MARCHF3: variants seen among roughly 807,000 people sequenced by gnomAD.
MARCHF3 encodes membrane associated ring-CH-type finger 3, also known as E3 ubiquitin-protein ligase MARCHF3.
MARCHF3 carries 13 observed loss-of-function variants against 24.2 expected under a neutral mutation model. That is an observed-to-expected ratio of 0.54 (90% CI 0.35 to 0.85). The LOEUF is 0.85. Among genes scored for constraint, MARCHF3 ranks in the 40% least tolerant of loss-of-function variants. The probability of loss-of-function intolerance (pLI) is 0.01; values close to 1 mark genes in which losing one functional copy is unlikely to be tolerated. For synonymous variants in MARCHF3, 144 were observed against 137.3 expected, an observed-to-expected ratio of 1.05 and a Z score of -0.34; for missense variants, 276 against 325.0, an observed-to-expected ratio of 0.85 and a Z score of 1.16.
At chr5:126,913,598 C>T (rs973230777) in intron 3 of MARCHF3, among the ~76,000 whole-genome samples, 2 of 152,174 alleles carry the variant, frequency 1.3e-5, no homozygotes. Context: ...CACTAGATCT[C>T]GACTCTTAAG....
At chr5:126,945,024 T>C (rs1419848083) in intron 1 of MARCHF3, among the ~76,000 whole-genome samples, 3 of 152,140 alleles carry the variant, frequency 2.0e-5, no homozygotes, top group African/African-American at 7.2e-5. Flanking sequence ...CCCTCATCCA[T>C]CCCTTCTTTT....
At chr5:126,914,190 A>G (rs1754638678) in intron 3 of MARCHF3, among the ~76,000 whole-genome samples, 1 of 151,668 alleles carries the variant, frequency 6.6e-6, no homozygotes, top group Non-Finnish European at 1.5e-5. Context: ...TCACAGTGTT[A>G]GCCAGGATGG....
At chr5:126,970,603 C>G (rs1750975842) in intron 1 of MARCHF3, among the ~76,000 whole-genome samples, 1 of 151,858 alleles carries the variant, frequency 6.6e-6, no homozygotes. Context: ...AAATGGTACT[C>G]TTGAGAGATG....
At chr5:126,916,753 CA>C (rs1249796798) in intron 2 of MARCHF3, among the ~76,000 whole-genome samples, 1 of 140,592 alleles carries the variant, frequency 7.1e-6, no homozygotes, top group African/African-American at 2.8e-5. Context: ...AGGTCTCAAC[CA>C]CATCAACCAT....
At chr5:127,021,395 T>A (rs2108458) in intron 1 of MARCHF3, among the ~76,000 whole-genome samples, 83,555 of 151,546 alleles carry the variant, frequency 0.55, 23,761 homozygotes, top group East Asian at 0.79. Flanking sequence ...CAAGAAATTT[T>A]TAGAATTATA....
intron 1 of MARCHF3, among the ~76,000 whole-genome samples, chr5:126,957,437 A>G (rs1252450800): frequency 6.6e-6 from 1 of 152,194 alleles, no homozygotes; most frequent in Non-Finnish European, 1.5e-5. Flanking sequence ...AAGTGCAGAT[A>G]AATACTCATC....
chr5:126,884,763 G>A (rs1467479518), intron 3 of MARCHF3, among the ~76,000 whole-genome samples: 1 of 152,152 alleles, frequency 6.6e-6, no homozygotes, highest in Non-Finnish European at 1.5e-5. Flanking sequence ...TCCCAGGCTA[G>A]GTCGCCATCA....
chr5:126,962,776 C>T (rs1382394942), intron 1 of MARCHF3, among the ~76,000 whole-genome samples: 2 of 150,782 alleles, frequency 1.3e-5, no homozygotes, highest in African/African-American at 4.9e-5. Flanking sequence ...ATCCAAAACA[C>T]TTCTGGTCCC....
chr5:126,940,436 G>GT (rs1338665047), intron 1 of MARCHF3, among the ~76,000 whole-genome samples: 7 of 152,100 alleles, frequency 4.6e-5, no homozygotes, highest in Admixed American at 2.0e-4. Flanking sequence ...CTGTATATAT[G>GT]TTTTTAATTT....
chr5:126,960,744 A>AT (rs1301588455), intron 1 of MARCHF3, among the ~76,000 whole-genome samples: 2 of 152,126 alleles, frequency 1.3e-5, no homozygotes, highest in African/African-American at 4.8e-5. Flanking sequence ...ATATTTTGCC[A>AT]TTTTTATGCA....
intron 3 of MARCHF3, among the ~76,000 whole-genome samples, chr5:126,883,453 G>T (rs1561776591): frequency 6.6e-6 from 1 of 152,280 alleles, no homozygotes; most frequent in Non-Finnish European, 1.5e-5. Context: ...GAACCATGAG[G>T]TTGATCAATT....
chr5:126,962,047 A>G (rs537593302), intron 1 of MARCHF3, among the ~76,000 whole-genome samples: 182 of 152,326 alleles, frequency 1.2e-3, no homozygotes, highest in African/African-American at 4.3e-3. Context: ...AACTTAACAT[A>G]AATATGCAGT....
At chr5:126,891,022 A>G (rs1407380042) in intron 3 of MARCHF3, among the ~76,000 whole-genome samples, 2 of 150,544 alleles carry the variant, frequency 1.3e-5, no homozygotes, top group South Asian at 2.1e-4. Flanking sequence ...TTTGATTTGC[A>G]TTTCTCTGAT....
chr5:126,962,826 TGTGTGTGC>T (rs199668229), intron 1 of MARCHF3, among the ~76,000 whole-genome samples: 1 of 74,270 alleles, frequency 1.3e-5, no homozygotes, highest in East Asian at 2.8e-4. Context: ...TGTGTGTGTG[TGTGTGTGC>T]GTGTGTGTGT....
At chr5:126,936,496 T>C (rs1005989036) in intron 1 of MARCHF3, among the ~76,000 whole-genome samples, 3 of 152,108 alleles carry the variant, frequency 2.0e-5, no homozygotes, top group South Asian at 4.1e-4. Context: ...GTGAAAAAAA[T>C]TGGATAAATA....
intron 1 of MARCHF3, among the ~76,000 whole-genome samples, chr5:126,981,980 T>C (rs1751410808): frequency 6.6e-6 from 1 of 152,232 alleles, no homozygotes; most frequent in Admixed American, 6.5e-5. Context: ...CTTTCTAATT[T>C]TGTTAACACC....
intron 1 of MARCHF3, among the ~76,000 whole-genome samples, chr5:126,967,731 C>T (rs1234964911): frequency 6.6e-6 from 1 of 152,100 alleles, no homozygotes; most frequent in African/African-American, 2.4e-5. Context: ...TCTGCCCCCT[C>T]CTCTTTTTTT....
At chr5:126,968,763 C>T (rs1750900383) in intron 1 of MARCHF3, among the ~76,000 whole-genome samples, 1 of 152,056 alleles carries the variant, frequency 6.6e-6, no homozygotes, top group African/African-American at 2.4e-5. Context: ...TAAGTAGATA[C>T]AGGGTTTCGC....
In MARCHF3 at chr5:126,869,001, T is replaced by G. The variant is rs1213776318; in HGVS notation, c.*1632A>C. 6.6e-6 allele frequency: 1 copy of G among 152,204 alleles called. No individual in the cohort carries two copies. Among genetic ancestry groups the G allele is most frequent in the Non-Finnish European group, 1.5e-5 (1 of 68,082 alleles). 9.4% of individuals were successfully genotyped at this position (152,204 alleles called of 1,614,324 possible). On this transcript the variant is annotated 3_prime_UTR_variant, in exon 5 of 5. Coordinates refer to ENST00000308660, the MANE Select transcript of MARCHF3 (RefSeq NM_178450.5). ...AGTGAAGCGTGGTGGGGAGGAAATC[T>G]ATTGTCACAAGCCATAAAGCACATC... is the stretch of plus-strand genomic sequence containing the variant.
Sources: gnomAD v4.1 joint callset for allele counts (sites outside exome capture counted in the v4.1 genomes callset) on GRCh38, gnomAD v4.1.1 for gene constraint, MANE v1.5 for transcripts, NCBI Gene and HGNC (gene_info 2026-07-23, HGNC 2026-07-21) for gene names.